Variants in ITPKB observed in about 807,000 individuals in gnomAD.
The protein encoded by ITPKB is IP3 3-kinase B.
A neutral mutation model predicts 69.4 loss-of-function variants in ITPKB; 13 were observed. That is an observed-to-expected ratio of 0.19 (90% CI 0.12 to 0.30). The LOEUF (loss-of-function observed/expected upper bound fraction) is 0.30, where lower values mean the gene tolerates loss of function less well. ITPKB is among the 10% of genes least tolerant of loss of function. The pLI is 1.00. For synonymous variants in ITPKB, 584 were observed against 513.7 expected (o/e 1.14, Z -1.85); for missense variants, 1,240 against 1,250.5 (o/e 0.99, Z 0.13).
intron 3 of ITPKB, among the ~76,000 whole-genome samples, chr1:226,648,053 C>T (rs1300597808): frequency 4.6e-5 from 7 of 152,230 alleles, no homozygotes; most frequent in Non-Finnish European, 1.0e-4. Context: ...GAGGGTCCTA[C>T]ATGTGGGCTA....
At chr1:226,703,417 G>C (rs1395791851) in intron 2 of ITPKB, among the ~76,000 whole-genome samples, 1 of 152,220 alleles carries the variant, frequency 6.6e-6, no homozygotes, top group African/African-American at 2.4e-5. Context: ...GGCGCGGCGG[G>C]GGATTTCGGG....
At chr1:226,654,594 C>T (rs564586910) in intron 2 of ITPKB, among the ~76,000 whole-genome samples, 111 of 152,260 alleles carry the variant, frequency 7.3e-4, no homozygotes, top group African/African-American at 2.6e-3. Context: ...GGTGTGGAGC[C>T]TTCCTGGGCA....
chr1:226,664,350 G>A (rs1669457691), intron 2 of ITPKB, among the ~76,000 whole-genome samples: 1 of 152,306 alleles, frequency 6.6e-6, no homozygotes, highest in Non-Finnish European at 1.5e-5. Context: ...CTAAGCTTGG[G>A]GCCTCTAGGC....
intron 2 of ITPKB, among the ~76,000 whole-genome samples, chr1:226,655,819 T>G (rs921258668): frequency 6.6e-6 from 1 of 152,078 alleles, no homozygotes; most frequent in East Asian, 1.9e-4. Flanking sequence ...TTGGGGTGGG[T>G]AGAAGAAAGG....
chr1:226,636,610 G>C (rs1028954956), intron 7 of ITPKB, among the ~76,000 whole-genome samples: 1 of 152,228 alleles, frequency 6.6e-6, no homozygotes, highest in African/African-American at 2.4e-5. Flanking sequence ...CTCCATGTAA[G>C]ACCCCATACA....
At chr1:226,726,723 C>T (rs1015322742) in intron 2 of ITPKB, among the ~76,000 whole-genome samples, 4 of 152,030 alleles carry the variant, frequency 2.6e-5, no homozygotes, top group Admixed American at 6.5e-5. Context: ...GTTCAGCGGC[C>T]GCATATAGAC....
At chr1:226,723,065 C>T (rs187604014) in intron 2 of ITPKB, among the ~76,000 whole-genome samples, 172 of 152,230 alleles carry the variant, frequency 1.1e-3, no homozygotes, top group African/African-American at 4.0e-3. Context: ...CCAGTCCGTG[C>T]TGCTCAGATG....
At position 226,634,350 on chromosome 1, in the gene ITPKB, G is replaced by C; in HGVS notation, c.*321C>G. On this transcript the variant is annotated 3_prime_UTR_variant, in exon 8 of 8. Coordinates refer to ENST00000429204, the MANE Select transcript of ITPKB (RefSeq NM_002221.4). This position sits in a 1 kb window ranked among gnomAD's most constrained non-coding sequence, Gnocchi z 6.3. ...AGGTCCAGGCTGGTGCTTCCTAGGG[G>C]GCTCCCAGAGGCAGGGCTCATCTGG... is the stretch of plus-strand genomic sequence containing the variant. 6.2e-6 allele frequency: 2 copies of C among 323,784 alleles called. No homozygotes were observed. The highest frequency in any genetic ancestry group is 4.6e-5 in the Admixed American group (1 of 21,784). The allele number at this position is 323,784 out of a possible 1,614,324, so 20.1% of individuals were successfully genotyped here.
intron 2 of ITPKB, among the ~76,000 whole-genome samples, chr1:226,713,876 A>G (rs1657033721): frequency 6.6e-6 from 1 of 152,194 alleles, no homozygotes; most frequent in African/African-American, 2.4e-5. Flanking sequence ...AATCAGTTCT[A>G]TCACTCCCAC....
At position 226,632,543 on chromosome 1, in the gene ITPKB, C is replaced by G. The variant is rs1668748849; in HGVS notation, c.*2128G>C. On this transcript the variant is annotated 3_prime_UTR_variant, in exon 8 of 8. Transcript: ENST00000429204. ...AAAAAAAAAACAGAAAACAAAAACC[C>G]TAAGTAACAGAATAACCCTAAAATG... is the stretch of plus-strand genomic sequence containing the variant. 1 of 152,362 alleles carries G rather than the reference C, an allele frequency of 6.6e-6. No individual in the cohort carries two copies. Among genetic ancestry groups the G allele is most frequent in the Non-Finnish European group, 1.5e-5 (1 of 68,032 alleles). 9.4% of individuals were successfully genotyped at this position (152,362 alleles called of 1,614,324 possible).
At chr1:226,701,329 G>A (rs1220058860) in intron 2 of ITPKB, among the ~76,000 whole-genome samples, 4 of 152,156 alleles carry the variant, frequency 2.6e-5, no homozygotes, top group African/African-American at 4.8e-5. Flanking sequence ...CTTTGGCCGG[G>A]CGCGGTGGCT....
At chr1:226,693,783 G>A (rs1656413877) in intron 2 of ITPKB, among the ~76,000 whole-genome samples, 2 of 152,326 alleles carry the variant, frequency 1.3e-5, no homozygotes, top group East Asian at 1.9e-4. Context: ...GAGGGAAGGT[G>A]ATTTGTACCT....
intron 2 of ITPKB, among the ~76,000 whole-genome samples, chr1:226,708,656 G>A (rs542203545): frequency 6.6e-6 from 1 of 152,366 alleles, no homozygotes; most frequent in Non-Finnish European, 1.5e-5. Flanking sequence ...GAGTCAACAC[G>A]TTGTGAGACA....
At chr1:226,639,441 G>A in intron 6 of ITPKB, 116 bp downstream of exon 6, 1 of 733,714 alleles carries the variant, frequency 1.4e-6, no homozygotes, top group Non-Finnish European at 2.5e-6. Flanking sequence ...ACGAACTCGG[G>A]CTGGGGTGTG....
At position 226,737,242 on chromosome 1, in the gene ITPKB, C is replaced by T. The variant is rs766692739; in HGVS notation, c.217G>A (p.Gly73Arg). The T allele has an allele frequency of 3.2e-6, 5 of 1,553,500 alleles. No individual in the cohort carries two copies. The highest frequency in any genetic ancestry group is 2.7e-5 in the African/African-American group (2 of 73,558). The stretch of plus-strand genomic sequence containing the variant: ...CTGCGCCGGCCGCTCCGCCAGCCCC[C>T]GGGGCTCCGGGGCTCCTCGGGGGAC... ...SLSPEEPRSP[G>R]GWRSGRRRLN... The change falls in exon 2 of 8, where the codon GGG becomes AGG. Residue 73 changes from glycine (G) to arginine (R), a missense_variant. Gly to Arg is a moderately radical substitution (Grantham distance 125). This residue lies in a region of ITPKB where 992 missense variants were observed against 853.8 expected (regional missense o/e 1.16). Coordinates refer to ENST00000429204, the MANE Select transcript of ITPKB (RefSeq NM_002221.4).
chr1:226,710,046 C>T (rs1229609477), intron 2 of ITPKB, among the ~76,000 whole-genome samples: 3 of 152,172 alleles, frequency 2.0e-5, no homozygotes, highest in East Asian at 1.9e-4. Flanking sequence ...CAAAATTCAG[C>T]CACATCCCAG....
chr1:226,700,757 C>T (rs1022285071), intron 2 of ITPKB, among the ~76,000 whole-genome samples: 2 of 152,080 alleles, frequency 1.3e-5, no homozygotes, highest in African/African-American at 4.8e-5. Context: ...CTGCAGAACA[C>T]CACCTTCTGA....
chr1:226,645,460 G>A (rs868815719), intron 4 of ITPKB, among the ~76,000 whole-genome samples: 2 of 152,150 alleles, frequency 1.3e-5, no homozygotes, highest in East Asian at 3.9e-4. Context: ...GCAGGAGCAG[G>A]CAGGTTCTGG....
chr1:226,728,980 G>C (rs1319603166), intron 2 of ITPKB, among the ~76,000 whole-genome samples: 1 of 152,154 alleles, frequency 6.6e-6, no homozygotes, highest in Non-Finnish European at 1.5e-5. Flanking sequence ...TAATGCAGCA[G>C]GGATTTTTTC....
Sources: allele counts gnomAD v4.1 joint callset (sites outside exome capture counted in the v4.1 genomes callset), GRCh38; gene constraint gnomAD v4.1.1; regional missense constraint gnomAD v4.1.1; non-coding constraint Gnocchi (gnomAD v3.1); transcripts MANE v1.5; gene names NCBI Gene and HGNC (gene_info 2026-07-23, HGNC 2026-07-21).